The following HELZ variants were observed in gnomAD, a reference collection of about 807,000 sequenced individuals.
HELZ encodes the protein ATP-dependent RNA helicase with zinc finger domain.
HELZ carries 23 observed loss-of-function variants against 218.2 expected under a neutral mutation model. That is an observed-to-expected ratio of 0.11 (90% CI 0.08 to 0.15). The LOEUF (loss-of-function observed/expected upper bound fraction) is 0.15. Ranked by LOEUF, HELZ falls within the 10% of genes least tolerant of loss-of-function variation. The pLI, the probability that HELZ is intolerant of heterozygous loss-of-function variation, is 1.00. For missense variants in HELZ, 1,813 were observed against 2,353.7 expected (o/e 0.77, Z 4.75); for synonymous variants, 814 against 829.4 (o/e 0.98, Z 0.32).
Position 67,236,609 on chromosome 17 carries a change from A to G in HELZ, c.-19+2824T>C, listed in dbSNP as rs139648341. On this transcript the variant is annotated intron_variant, in intron 3 of 32. Coordinates refer to ENST00000358691, the MANE Select transcript of HELZ (RefSeq NM_014877.4). Reference sequence around the variant, plus strand: ...TATATAAAGTTAAATTATAAAATCTATAAGATGTAAATGTTTCATGATATA... The same window carrying G: ...TATATAAAGTTAAATTATAAAATCTGTAAGATGTAAATGTTTCATGATATA... 2.6e-5 allele frequency among the ~76,000 whole-genome samples: 4 copies of G among 152,332 alleles called. No homozygotes were observed. The East Asian group carries it at 5.8e-4, about 22-fold the overall frequency.
Position 67,203,364 on chromosome 17 carries a change from T to C in HELZ, c.327A>G (p.Gln109=), listed in dbSNP as rs374449823. The C allele has an allele frequency of 1.2e-6, 2 of 1,614,160 alleles. No homozygotes were observed. The highest frequency in any genetic ancestry group is 1.7e-5 in the Admixed American group (1 of 60,028). The part of the protein sequence containing the change: ...LCCMQLKGKL[Q]PVSTILAKSL... ...ACTTGGCAAGAATGGTGGATACAGGTTGGAGCTTCCCTTTCAGCTGCATGC... is the reference window on the plus strand; with the variant it reads ...ACTTGGCAAGAATGGTGGATACAGGCTGGAGCTTCCCTTTCAGCTGCATGC... The change falls in exon 6 of 33, where the codon CAA becomes CAG. Residue 109 remains glutamine, a synonymous_variant. Coordinates refer to ENST00000358691, the MANE Select transcript of HELZ (RefSeq NM_014877.4).
At chr17:67,086,705 G>C (rs2036403612) in intron 32 of HELZ, 124 bp downstream of exon 32, 1 of 757,906 alleles carries the variant, frequency 1.3e-6, no homozygotes, top group Non-Finnish European at 2.1e-6. Flanking sequence ...TGAGCTATTA[G>C]CATCATTAAA....
intron 23 of HELZ, among the ~76,000 whole-genome samples, chr17:67,130,169 A>C (rs1371456772): frequency 6.6e-6 from 1 of 152,098 alleles, no homozygotes; most frequent in Non-Finnish European, 1.5e-5. Context: ...GAGATACTGG[A>C]GATTCAGAAG....
intron 3 of HELZ, among the ~76,000 whole-genome samples, chr17:67,234,143 G>A (rs2041114844): frequency 6.6e-6 from 1 of 150,588 alleles, no homozygotes; most frequent in Non-Finnish European, 1.5e-5. Context: ...GGCAACGTGG[G>A]AGACCCCCAT....
chr17:67,112,419 T>C (rs1475925825), intron 28 of HELZ, among the ~76,000 whole-genome samples: 2 of 152,214 alleles, frequency 1.3e-5, no homozygotes, highest in Non-Finnish European at 2.9e-5. Context: ...GTGCTGCTGG[T>C]GCAGGTGCAC....
intron 12 of HELZ, among the ~76,000 whole-genome samples, chr17:67,182,391 G>A (rs1457278892): frequency 6.6e-6 from 1 of 152,146 alleles, no homozygotes; most frequent in Non-Finnish European, 1.5e-5. Context: ...GTTGCAGTGA[G>A]CCAACACTGC....
intron 3 of HELZ, among the ~76,000 whole-genome samples, chr17:67,226,267 A>G (rs1332030646): frequency 6.6e-6 from 1 of 151,460 alleles, no homozygotes; most frequent in African/African-American, 2.4e-5. Context: ...CAAAAAAAAA[A>G]AAAAGAAAAA....
chr17:67,163,509 C>T (rs2039049789), intron 15 of HELZ, among the ~76,000 whole-genome samples: 1 of 152,108 alleles, frequency 6.6e-6, no homozygotes, highest in Non-Finnish European at 1.5e-5. Flanking sequence ...CGCCATTCTC[C>T]TGCCTCAGCC....
intron 22 of HELZ, 141 bp from the exon 23 acceptor site, chr17:67,136,339 C>A: frequency 1.6e-6 from 1 of 633,754 alleles, no homozygotes; most frequent in Non-Finnish European, 2.7e-6. Context: ...CCCTTATGCA[C>A]TGCTGGTGAG....
chr17:67,193,495 A>G (rs578142678), intron 9 of HELZ, among the ~76,000 whole-genome samples: 2 of 152,120 alleles, frequency 1.3e-5, no homozygotes, highest in Non-Finnish European at 2.9e-5. Flanking sequence ...AAGTGGGCAC[A>G]TCACAAGATC....
At chr17:67,216,143 A>AC (rs1209351800) in intron 4 of HELZ, among the ~76,000 whole-genome samples, 6 of 151,332 alleles carry the variant, frequency 4.0e-5, no homozygotes, top group African/African-American at 1.2e-4. Context: ...TAGTCCATGG[A>AC]CCCCCACTCC....
At position 67,151,423 on chromosome 17, in the gene HELZ, TGACA is replaced by T. The variant is rs1054113572; in HGVS notation, c.2178-203_2178-200del. On this transcript the variant is annotated intron_variant, in intron 17 of 32. Coordinates refer to ENST00000358691, the MANE Select transcript of HELZ (RefSeq NM_014877.4). ...CCACTGTGACTCTCTACCAAAAAAATGACAGACATAGAAAGTATATGCAGTACCA... is the reference window on the plus strand; with the variant it reads ...CCACTGTGACTCTCTACCAAAAAAATGACATAGAAAGTATATGCAGTACCA... Among the ~76,000 whole-genome samples the T allele has an allele frequency of 5.9e-5, 9 of 152,244 alleles. 1 individual carries two copies. The South Asian group carries it at 8.3e-4, about 14-fold the overall frequency.
intron 31 of HELZ, among the ~76,000 whole-genome samples, chr17:67,089,668 T>TATAGAGAGAGAGAGAGAGAGAGAGAG (rs71293575): frequency 1.4e-5 from 1 of 70,644 alleles, no homozygotes; most frequent in Non-Finnish European, 2.6e-5. Context: ...TATATATATA[T>TATAGAGAGAGAGAGAGAGAGAGAGAG]AGAGAGAGAG....
At chr17:67,180,628 A>G (rs1032568764) in intron 12 of HELZ, among the ~76,000 whole-genome samples, 6 of 152,136 alleles carry the variant, frequency 3.9e-5, no homozygotes, top group African/African-American at 1.2e-4. Flanking sequence ...CTGTAATCCT[A>G]GCAGTTTGGG....
At chr17:67,146,583 C>T (rs2038504235) in intron 20 of HELZ, among the ~76,000 whole-genome samples, 1 of 152,152 alleles carries the variant, frequency 6.6e-6, no homozygotes, top group Admixed American at 6.5e-5. Flanking sequence ...CAAAGACATA[C>T]AGATGCTGGA....
intron 31 of HELZ, among the ~76,000 whole-genome samples, chr17:67,094,989 CG>C (rs2036699339): frequency 6.6e-6 from 1 of 152,132 alleles, no homozygotes; most frequent in South Asian, 2.1e-4. Flanking sequence ...TAAAGTTTGC[CG>C]CATCAGTTGA....
At chr17:67,153,451 G>A (rs2038750092) in intron 17 of HELZ, among the ~76,000 whole-genome samples, 1 of 152,226 alleles carries the variant, frequency 6.6e-6, no homozygotes, top group Non-Finnish European at 1.5e-5. Flanking sequence ...ATCATCAGAT[G>A]ATTGTTATTT....
intron 12 of HELZ, among the ~76,000 whole-genome samples, chr17:67,182,507 ATTTAAC>A (rs972050333): frequency 5.3e-5 from 8 of 152,202 alleles, no homozygotes; most frequent in African/African-American, 1.4e-4. Flanking sequence ...CCATTTAGGA[ATTTAAC>A]TTTAACAGTG....
chr17:67,194,001 T>C lies in HELZ; in HGVS notation c.523A>G (p.Ile175Val), dbSNP rs2039963402. 1.2e-6 allele frequency: 2 copies of C among 1,613,676 alleles called. No homozygotes were observed. The highest frequency in any genetic ancestry group is 1.7e-5 in the Admixed American group (1 of 59,982). ...GWHFRPPPRG[I>V]TSSEEYTLCK... is the part of the protein sequence containing the mutation. ...AAAGTATATTCCTCGCTGCTTGTGA[T>C]TCCCCTAGGTGGTGGGCGGAAATGC... is the stretch of plus-strand genomic sequence containing the variant. Residue 175 changes from isoleucine (I) to valine (V), a missense_variant, in exon 9 of 33, where the codon ATC (isoleucine) becomes GTC (valine). By Grantham distance (29) the Ile-to-Val change is conservative. This residue lies in a region of HELZ where 714 missense variants were observed against 1,029.2 expected (regional missense o/e 0.69). Transcript: ENST00000358691.
Sources: gnomAD v4.1 joint callset for allele counts (sites outside exome capture counted in the v4.1 genomes callset) on GRCh38, gnomAD v4.1.1 for gene constraint, gnomAD v4.1.1 regional missense constraint, MANE v1.5 for transcripts, NCBI Gene and HGNC (gene_info 2026-07-23, HGNC 2026-07-21) for gene names.